NELL1: variants seen among roughly 807,000 people sequenced by gnomAD.
The protein encoded by NELL1 is neural EGFL like 1, also known as protein kinase C-binding protein NELL1.
A neutral mutation model predicts 107.4 loss-of-function variants in NELL1; 76 were observed. That is an observed-to-expected ratio of 0.71 (90% CI 0.59 to 0.86). The LOEUF is 0.86. Among genes scored for constraint, NELL1 ranks in the 40% least tolerant of loss-of-function variants. The pLI, the probability that NELL1 is intolerant of heterozygous loss-of-function variation, is 0.00. For synonymous variants in NELL1, 353 were observed against 341.2 expected (o/e 1.03, Z -0.38); for missense variants, 1,024 against 1,005.5 (o/e 1.02, Z -0.25).
intron 14 of NELL1, among the ~76,000 whole-genome samples, chr11:21,246,193 G>T (rs1191234109): frequency 6.6e-6 from 1 of 152,146 alleles, no homozygotes; most frequent in Non-Finnish European, 1.5e-5. Context: ...AATCATACCA[G>T]TTTTCTATGA....
intron 12 of NELL1, among the ~76,000 whole-genome samples, chr11:21,051,315 G>C (rs1035767112): frequency 6.6e-6 from 1 of 152,092 alleles, no homozygotes; most frequent in African/African-American, 2.4e-5. Flanking sequence ...GTTCTCACTT[G>C]TAAATGGGAG....
chr11:20,725,278 C>T (rs1314971395), intron 2 of NELL1, among the ~76,000 whole-genome samples: 4 of 152,206 alleles, frequency 2.6e-5, no homozygotes, highest in Admixed American at 6.5e-5. Context: ...GAAACATCCA[C>T]TTCCCCAGAC....
At position 20,669,982 on chromosome 11, in the gene NELL1, C is replaced by T. The variant is rs1374205261; in HGVS notation, c.55+204C>T. On this transcript the variant is annotated intron_variant, in intron 1 of 19. Coordinates refer to ENST00000357134, the MANE Select transcript of NELL1 (RefSeq NM_006157.5). This position sits in a 1 kb window ranked among gnomAD's most constrained non-coding sequence, Gnocchi z 4.4. ...GGCTTGAAGATGTCCCCGTTGAGTG[C>T]CCCTTCTCAGGGGACCCGGCCTCAG... Among the ~76,000 whole-genome samples, 1 of 152,188 alleles carries T rather than the reference C, an allele frequency of 6.6e-6. No individual in the cohort carries two copies. Among genetic ancestry groups the T allele is most frequent in the Non-Finnish European group, 1.5e-5 (1 of 68,034 alleles).
At chr11:20,939,524 G>A (rs1438810413) in intron 10 of NELL1, among the ~76,000 whole-genome samples, 1 of 152,104 alleles carries the variant, frequency 6.6e-6, no homozygotes, top group Non-Finnish European at 1.5e-5. Context: ...TTTAAAGTTT[G>A]GAGAAAGGAC....
chr11:21,375,685 C>T (rs531282571), intron 15 of NELL1, among the ~76,000 whole-genome samples: 1 of 152,064 alleles, frequency 6.6e-6, no homozygotes, highest in South Asian at 2.1e-4. Flanking sequence ...ATAAGTGTTC[C>T]CTTTTCTCTG....
At chr11:21,292,855 C>T (rs1464966157) in intron 14 of NELL1, among the ~76,000 whole-genome samples, 1 of 152,070 alleles carries the variant, frequency 6.6e-6, no homozygotes, top group African/African-American at 2.4e-5. Flanking sequence ...TTAATAAATG[C>T]TATTGGGAAA....
chr11:21,493,829 C>T (rs1053688451), intron 15 of NELL1, among the ~76,000 whole-genome samples: 13 of 151,962 alleles, frequency 8.6e-5, no homozygotes, highest in Admixed American at 2.6e-4. Context: ...GATCATTATA[C>T]ATTCTATGCA....
At chr11:20,977,009 T>G (rs563717226) in intron 12 of NELL1, among the ~76,000 whole-genome samples, 1 of 152,212 alleles carries the variant, frequency 6.6e-6, no homozygotes, top group South Asian at 2.1e-4. Flanking sequence ...TGCTTTCCTC[T>G]TTGGGTAAAG....
chr11:21,171,816 C>T (rs1427541890), intron 13 of NELL1, among the ~76,000 whole-genome samples: 1 of 151,754 alleles, frequency 6.6e-6, no homozygotes, highest in Non-Finnish European at 1.5e-5. Flanking sequence ...AATGCTTCTC[C>T]CTTAGTCTCT....
intron 12 of NELL1, among the ~76,000 whole-genome samples, chr11:20,964,858 C>T (rs564043339): frequency 6.6e-6 from 1 of 152,178 alleles, no homozygotes; most frequent in Admixed American, 6.6e-5. Context: ...GTCAGGGCTT[C>T]TCCTTTAGCT....
At chr11:21,006,454 G>T (rs1025885616) in intron 12 of NELL1, among the ~76,000 whole-genome samples, 2 of 152,028 alleles carry the variant, frequency 1.3e-5, no homozygotes, top group Non-Finnish European at 2.9e-5. Flanking sequence ...TACCCAGTCT[G>T]TGGTATTCTG....
intron 2 of NELL1, among the ~76,000 whole-genome samples, chr11:20,708,243 C>T (rs1186121819): frequency 2.6e-5 from 4 of 152,248 alleles, no homozygotes; most frequent in Admixed American, 1.3e-4. Context: ...TACCATCTGT[C>T]ATGGCTTCCC....
chr11:21,079,617 C>A (rs1854218533), intron 12 of NELL1, among the ~76,000 whole-genome samples: 1 of 151,950 alleles, frequency 6.6e-6, no homozygotes, highest in South Asian at 2.1e-4. Context: ...TCCTAAATAA[C>A]AAATTGTTCA....
At chr11:20,872,872 C>T (rs938918985) in intron 4 of NELL1, among the ~76,000 whole-genome samples, 2 of 152,108 alleles carry the variant, frequency 1.3e-5, no homozygotes, top group African/African-American at 2.4e-5. Context: ...AAGCTTTAAA[C>T]TAGTACATGA....
intron 16 of NELL1, among the ~76,000 whole-genome samples, chr11:21,555,277 A>G (rs183948729): frequency 6.6e-6 from 1 of 151,928 alleles, no homozygotes; most frequent in Non-Finnish European, 1.5e-5. Flanking sequence ...GAGAGCTCTT[A>G]GACTGAAATA....
intron 14 of NELL1, among the ~76,000 whole-genome samples, chr11:21,237,865 A>G (rs1245907043): frequency 1.3e-5 from 2 of 152,068 alleles, no homozygotes; most frequent in African/African-American, 4.8e-5. Flanking sequence ...GTACTGGCTC[A>G]ACATTTTCTC....
chr11:21,329,596 G>A (rs1253103355), intron 14 of NELL1, among the ~76,000 whole-genome samples: 1 of 152,078 alleles, frequency 6.6e-6, no homozygotes, highest in Non-Finnish European at 1.5e-5. Flanking sequence ...TCTATATACA[G>A]TATAAATTAT....
At chr11:20,932,468 A>T (rs1850638097) in intron 9 of NELL1, among the ~76,000 whole-genome samples, 1 of 152,234 alleles carries the variant, frequency 6.6e-6, no homozygotes, top group South Asian at 2.1e-4. Flanking sequence ...CGGATGGATG[A>T]TGAAGATTGT....
intron 2 of NELL1, among the ~76,000 whole-genome samples, chr11:20,721,545 G>A (rs943263438): frequency 6.6e-6 from 1 of 152,128 alleles, no homozygotes; most frequent in Non-Finnish European, 1.5e-5. Flanking sequence ...CTACTGCTCA[G>A]AAATGATATG....
Sources: allele counts gnomAD v4.1 joint callset (sites outside exome capture counted in the v4.1 genomes callset), GRCh38; gene constraint gnomAD v4.1.1; non-coding constraint Gnocchi (gnomAD v3.1); transcripts MANE v1.5; gene names NCBI Gene and HGNC (gene_info 2026-07-23, HGNC 2026-07-21).